SLCO1A2: variants seen among roughly 807,000 people sequenced by gnomAD.
The protein encoded by SLCO1A2 is OATP-1.
SLCO1A2 carries 67 observed loss-of-function variants against 69.0 expected under a neutral mutation model. The ratio of observed to expected loss-of-function variants is 0.97; its 90% CI spans 0.80 to 1.19. The LOEUF is 1.19. Ranked by LOEUF, SLCO1A2 falls within the 50% of genes most tolerant of loss-of-function variation. SLCO1A2 has a pLI of 0.00. For synonymous variants in SLCO1A2, 260 were observed against 265.9 expected, an observed-to-expected ratio of 0.98 and a Z score of 0.22; for missense variants, 787 against 793.7, an observed-to-expected ratio of 0.99 and a Z score of 0.10.
At position 21,295,791 on chromosome 12, in the gene SLCO1A2, A is replaced by G. The variant is rs1044645055; in HGVS notation, c.1077T>C (p.Gly359=). ...TACATATTGGAGGTAAGTTATAAAT[A>G]CCTATAAATGCAAATAAAATATTAT... ...ISSSDAIFLM[G]IYNLPPICIG... Residue 359 remains glycine (G), a splice_region_variant and synonymous_variant, in exon 10 of 15, where the codon GGT becomes GGC. Coordinates refer to ENST00000683939, the MANE Select transcript of SLCO1A2 (RefSeq NM_001386879.1). 4 of 1,433,758 alleles carry G rather than the reference A, an allele frequency of 2.8e-6. No homozygotes were observed. The African/African-American group carries it at 4.3e-5, about 15-fold the overall frequency. The allele number at this position is 1,433,758 out of a possible 1,614,324, so 88.8% of individuals were successfully genotyped here. A position where few individuals can be genotyped will look rare whatever the true frequency, so the allele number is the denominator to read the frequency against.
At chr12:21,373,603 C>T (rs760609818) in intron 2 of SLCO1A2, 9 of 702,156 alleles carry the variant, frequency 1.3e-5, no homozygotes, top group South Asian at 1.5e-5. Flanking sequence ...AAGAATAACA[C>T]CAGTGGCAAA....
Position 21,297,612 on chromosome 12 carries a change from G to C in SLCO1A2, c.911-44C>G, listed in dbSNP as rs749220468. The C allele has an allele frequency of 2.9e-6, 4 of 1,384,434 alleles. No individual in the cohort carries two copies. In the Admixed American group the frequency reaches 9.2e-5, roughly 32 times the overall value. The allele number at this position is 1,384,434 out of a possible 1,614,324, so 85.8% of individuals were successfully genotyped here. A position where few individuals can be genotyped will look rare whatever the true frequency, so the allele number is the denominator to read the frequency against. On this transcript the variant is annotated intron_variant, in intron 8 of 14. Transcript: ENST00000683939. ...AACTGTGTCAAACGAACTTGGCTTT[G>C]CATTTTGTGACTGGCTTTTCCTGAA...
intron 4 of SLCO1A2, among the ~76,000 whole-genome samples, chr12:21,309,818 G>A (rs34022980): frequency 0.091 from 13,796 of 152,102 alleles, 859 homozygotes; most frequent in Non-Finnish European, 0.13. Flanking sequence ...AAATTCCAAG[G>A]AAATAGCAAT....
intron 1 of SLCO1A2, among the ~76,000 whole-genome samples, chr12:21,405,959 T>C (rs1452266845): frequency 6.6e-6 from 1 of 152,212 alleles, no homozygotes; most frequent in East Asian, 1.9e-4. Flanking sequence ...GATGTTGTTA[T>C]TTCATTCAAG....
intron 1 of SLCO1A2, among the ~76,000 whole-genome samples, chr12:21,407,434 T>C (rs1941838840): frequency 6.6e-6 from 1 of 152,202 alleles, no homozygotes. Flanking sequence ...GTTAGGATTA[T>C]ATTCTATTGG....
At chr12:21,319,445 G>A (rs1286324554) in intron 2 of SLCO1A2, 1 of 1,367,484 alleles carries the variant, frequency 7.3e-7, no homozygotes, top group Non-Finnish European at 9.8e-7. Context: ...TCAGCAATGA[G>A]GGAAATATCC....
chr12:21,321,914 T>C (rs557688353), intron 2 of SLCO1A2, among the ~76,000 whole-genome samples: 1 of 152,248 alleles, frequency 6.6e-6, no homozygotes, highest in African/African-American at 2.4e-5. Context: ...TGTCTATAAG[T>C]TCCTCTCTCA....
At chr12:21,286,683 C>T (rs1457259444) in intron 12 of SLCO1A2, among the ~76,000 whole-genome samples, 2 of 122,560 alleles carry the variant, frequency 1.6e-5, no homozygotes, top group Non-Finnish European at 3.3e-5. Context: ...TGGAACAGAA[C>T]AGAGCCCTCA....
chr12:21,355,451 A>C (rs1250134198), intron 2 of SLCO1A2, among the ~76,000 whole-genome samples: 1 of 152,196 alleles, frequency 6.6e-6, no homozygotes, highest in Admixed American at 6.5e-5. Flanking sequence ...AGCCATGAGT[A>C]ATCAATAAGT....
At chr12:21,339,399 A>C (rs945265872), upstream of SLCO1A2, among the ~76,000 whole-genome samples, 1 of 151,992 alleles carries the variant, frequency 6.6e-6, no homozygotes, top group African/African-American at 2.4e-5. Context: ...TGATTGCAGC[A>C]TAGTAGTTCA....
chr12:21,273,362 G>GA (rs1225583900), intron 14 of SLCO1A2, among the ~76,000 whole-genome samples: 4 of 152,006 alleles, frequency 2.6e-5, no homozygotes, highest in East Asian at 1.9e-4. Context: ...ATATAGTCCA[G>GA]AAAAAATGCT....
chr12:21,362,780 T>C (rs536063163), intron 2 of SLCO1A2, among the ~76,000 whole-genome samples: 4 of 151,998 alleles, frequency 2.6e-5, no homozygotes, highest in South Asian at 4.2e-4. Context: ...TTTAAACCAA[T>C]AAAGATCAAA....
At chr12:21,277,367 C>G (rs1944056527) in intron 12 of SLCO1A2, among the ~76,000 whole-genome samples, 1 of 151,970 alleles carries the variant, frequency 6.6e-6, no homozygotes, top group African/African-American at 2.4e-5. Flanking sequence ...GCTAAAGAGC[C>G]CTTGGGGCCT....
chr12:21,398,516 C>T (rs1941562793), upstream of SLCO1A2, among the ~76,000 whole-genome samples: 1 of 151,454 alleles, frequency 6.6e-6, no homozygotes, highest in Admixed American at 6.6e-5. Flanking sequence ...TCCTCCCTAA[C>T]TCATTTTATG....
intron 8 of SLCO1A2, among the ~76,000 whole-genome samples, chr12:21,299,246 C>A (rs1948202031): frequency 6.6e-6 from 1 of 152,040 alleles, no homozygotes; most frequent in South Asian, 2.1e-4. Context: ...CTAGGTGATT[C>A]CAATGTGCAG....
chr12:21,284,584 A>T (rs554647381), intron 12 of SLCO1A2, among the ~76,000 whole-genome samples: 14 of 150,102 alleles, frequency 9.3e-5, no homozygotes, highest in South Asian at 8.5e-4. Context: ...CACCTATTCC[A>T]AAATTGACCA....
chr12:21,270,433 G>C (rs12230401), intron 14 of SLCO1A2, among the ~76,000 whole-genome samples: 8,833 of 151,510 alleles, frequency 0.058, 703 homozygotes, highest in East Asian at 0.34. Flanking sequence ...GCATGTATAA[G>C]ATTAGCCTAC....
intron 2 of SLCO1A2, among the ~76,000 whole-genome samples, chr12:21,329,564 A>G (rs1482203967): frequency 1.3e-5 from 2 of 151,596 alleles, no homozygotes; most frequent in Non-Finnish European, 2.9e-5. Context: ...CCTCGGGAGC[A>G]TAATCCATCT....
At chr12:21,305,853 C>G (rs933323571) in intron 5 of SLCO1A2, among the ~76,000 whole-genome samples, 1 of 152,232 alleles carries the variant, frequency 6.6e-6, no homozygotes, top group African/African-American at 2.4e-5. Flanking sequence ...TTGTGGACTA[C>G]TGCAATTTCC....
Sources: allele counts gnomAD v4.1 joint callset (sites outside exome capture counted in the v4.1 genomes callset), GRCh38; gene constraint gnomAD v4.1.1; transcripts MANE v1.5; gene names NCBI Gene and HGNC (gene_info 2026-07-23, HGNC 2026-07-21).